Variants in LHX2 observed in about 807,000 individuals in gnomAD.
LHX2 encodes LIM homeobox 2.
In LHX2, 6 loss-of-function variants were observed where a neutral mutation model predicts 33.0. The observed-to-expected ratio is 0.18, with a 90% CI of 0.10 to 0.36. The LOEUF is 0.36. LHX2 is among the 10% of genes least tolerant of loss of function. The probability of loss-of-function intolerance (pLI) is 1.00; values close to 1 mark genes in which losing one functional copy is unlikely to be tolerated. For missense variants in LHX2, 442 were observed against 586.2 expected (o/e 0.75, Z 2.54); for synonymous variants, 292 against 253.1 (o/e 1.15, Z -1.46).
At position 124,015,468 on chromosome 9, in the gene LHX2, C is replaced by A. The variant is rs954226965; in HGVS notation, c.670C>A (p.Arg224=). The A allele has an allele frequency of 1.3e-6, 2 of 1,510,030 alleles. No individual in the cohort carries two copies. The highest frequency in any genetic ancestry group is 1.8e-6 in the Non-Finnish European group (2 of 1,130,742). The allele number at this position is 1,510,030 out of a possible 1,614,324, so 93.5% of individuals were successfully genotyped here. A position where few individuals can be genotyped will look rare whatever the true frequency, so the allele number is the denominator to read the frequency against. Residue 224 remains arginine (R), a synonymous_variant, in exon 3 of 5, where the codon CGG becomes AGG. Transcript: ENST00000373615. The surrounding 1 kb of genome is among the most constrained non-coding windows in gnomAD (Gnocchi z 7.9). ...TGGCGTGGGCACTGTGCAGAAGGGG[C>A]GGCCGAGGAAACGTAAGAGCCCGGG... ...YNGVGTVQKG[R]PRKRKSPGPG...
Position 124,032,412 on chromosome 9 carries a change from C to G in LHX2, c.934-8C>G. Reference sequence around the variant, plus strand: ...CGCTCACCAGCCCTTCCCTGTCGTCCCCCGCAGGTCTGGTTCCAGAACGCC... The same window carrying G: ...CGCTCACCAGCCCTTCCCTGTCGTCGCCCGCAGGTCTGGTTCCAGAACGCC... On this transcript the variant is annotated splice_polypyrimidine_tract_variant and splice_region_variant and intron_variant, in intron 4 of 4. Transcript: ENST00000373615. This position sits in a 1 kb window ranked among gnomAD's most constrained non-coding sequence, Gnocchi z 4.1. 1 of 1,574,248 alleles carries G rather than the reference C, an allele frequency of 6.4e-7. No individual in the cohort carries two copies. Among genetic ancestry groups the G allele is most frequent in the Non-Finnish European group, 8.6e-7 (1 of 1,159,448 alleles).
intron 4 of LHX2, among the ~76,000 whole-genome samples, chr9:124,025,854 G>A (rs988349148): frequency 2.6e-5 from 4 of 151,446 alleles, no homozygotes; most frequent in African/African-American, 4.9e-5. Flanking sequence ...GCATGGTGGC[G>A]CACACCTGTA....
chr9:124,032,543 C>G lies in LHX2; in HGVS notation c.1057C>G (p.Leu353Val). Reference sequence around the variant, plus strand: ...GACGCCATCGGGCCCGGCCTCGGAGCTCTCCAACGCCTCGCTCAGCCCCTC... The same window carrying G: ...GACGCCATCGGGCCCGGCCTCGGAGGTCTCCAACGCCTCGCTCAGCCCCTC... Reference protein sequence around the residue: ...TGTPSGPASELSNASLSPSST... With the variant: ...TGTPSGPASEVSNASLSPSST... Residue 353 changes from leucine to valine, a missense_variant, in exon 5 of 5, where the codon CTC becomes GTC. This residue lies in a region of LHX2 where 109 missense variants were observed against 98.7 expected (regional missense o/e 1.10). Transcript: ENST00000373615. This position sits in a 1 kb window ranked among gnomAD's most constrained non-coding sequence, Gnocchi z 4.1. 6.2e-7 allele frequency: 1 copy of G among 1,614,082 alleles called. No individual in the cohort carries two copies. The highest frequency in any genetic ancestry group is 8.5e-7 in the Non-Finnish European group (1 of 1,180,022).
rs994057584 is a variant in LHX2 at position 124,012,534 on chromosome 9, C to T, written c.120+66C>T. The T allele has an allele frequency of 4.3e-6, 6 of 1,409,454 alleles. No individual in the cohort carries two copies. The African/African-American group carries it at 7.4e-5, about 17-fold the overall frequency. 87.3% of individuals were successfully genotyped at this position (1,409,454 alleles called of 1,614,324 possible). A position where few individuals can be genotyped will look rare whatever the true frequency, so the allele number is the denominator to read the frequency against. On this transcript the variant is annotated intron_variant, in intron 1 of 4. Transcript: ENST00000373615. This position sits in a 1 kb window ranked among gnomAD's most constrained non-coding sequence, Gnocchi z 4.3. ...GGGGCCGGGCCAGTCAGCGCCTCTG[C>T]TCCCCGAAGTTTGGGGAGCGTCCTT...
At position 124,032,380 on chromosome 9, in the gene LHX2, T is replaced by C; in HGVS notation, c.934-40T>C. ...GAAGCAGTCGGGGGGATGCTCTGCC[T>C]GCCTTCCGCTCACCAGCCCTTCCCT... On this transcript the variant is annotated intron_variant, in intron 4 of 4. Coordinates refer to ENST00000373615, the MANE Select transcript of LHX2 (RefSeq NM_004789.4). The surrounding 1 kb of genome is among the most constrained non-coding windows in gnomAD (Gnocchi z 4.1). 1 of 1,538,576 alleles carries C rather than the reference T, an allele frequency of 6.5e-7. No individual in the cohort carries two copies. The highest frequency in any genetic ancestry group is 8.8e-7 in the Non-Finnish European group (1 of 1,142,292).
intron 3 of LHX2, among the ~76,000 whole-genome samples, chr9:124,018,394 G>A (rs983640199): frequency 2.0e-5 from 3 of 152,070 alleles, no homozygotes; most frequent in African/African-American, 7.2e-5. Context: ...CGGGAGTGAG[G>A]GGGTTCGGGG....
Position 124,015,359 on chromosome 9 carries a change from A to C in LHX2, c.561A>C (p.Ala187=). 6.2e-7 allele frequency: 1 copy of C among 1,610,284 alleles called. No homozygotes were observed. The highest frequency in any genetic ancestry group is 1.1e-5 in the South Asian group (1 of 91,014). Residue 187 remains alanine, a synonymous_variant, in exon 3 of 5, where the codon GCA becomes GCC. Coordinates refer to ENST00000373615, the MANE Select transcript of LHX2 (RefSeq NM_004789.4). This position sits in a 1 kb window ranked among gnomAD's most constrained non-coding sequence, Gnocchi z 7.9. ...YPAHFNHADV[A]AAAAAAAAAK... ...CACACTTCAACCATGCCGACGTGGC[A>C]GCGGCGGCCGCTGCAGCCGCGGCGG...
At chr9:124,018,484 T>C (rs886445686) in intron 3 of LHX2, among the ~76,000 whole-genome samples, 1 of 151,968 alleles carries the variant, frequency 6.6e-6, no homozygotes, top group Non-Finnish European at 1.5e-5. Context: ...TCGGCCTCGC[T>C]ACTTAGGGCC....
rs143803976 is a variant in LHX2, at chr9:124,032,364, G to GT, written c.934-56_934-55insT. 1.4e-6 allele frequency: 2 copies of GT among 1,462,142 alleles called. No homozygotes were observed. Among genetic ancestry groups the GT allele is most frequent in the African/African-American group, 1.8e-5 (1 of 56,286 alleles). 90.6% of individuals were successfully genotyped at this position (1,462,142 alleles called of 1,614,324 possible). ...CAGCAGAGCTCTGAGTGAAGCAGTCGGGGGGATGCTCTGCCTGCCTTCCGC... is the reference window on the plus strand; with the variant it reads ...CAGCAGAGCTCTGAGTGAAGCAGTCGTGGGGGATGCTCTGCCTGCCTTCCGC... On this transcript the variant is annotated intron_variant, in intron 4 of 4. Coordinates refer to ENST00000373615, the MANE Select transcript of LHX2 (RefSeq NM_004789.4). This position sits in a 1 kb window ranked among gnomAD's most constrained non-coding sequence, Gnocchi z 4.1.
chr9:124,023,408 T>C (rs1387284425), intron 4 of LHX2, among the ~76,000 whole-genome samples: 3 of 152,176 alleles, frequency 2.0e-5, no homozygotes, highest in Admixed American at 1.3e-4. Flanking sequence ...GCTTGCTCTA[T>C]GGAGTGGGGT....
chr9:124,025,950 A>G (rs535450342), intron 4 of LHX2, among the ~76,000 whole-genome samples: 120 of 152,166 alleles, frequency 7.9e-4, no homozygotes, highest in Middle Eastern at 6.8e-3. Flanking sequence ...GTGCCACTGC[A>G]CTCCAGCCTG....
At chr9:124,013,924 G>T in intron 1 of LHX2, 37 bp from the exon 2 acceptor site, 2 of 1,593,344 alleles carry the variant, frequency 1.3e-6, no homozygotes, top group South Asian at 1.1e-5. Flanking sequence ...GCTGGCTGAC[G>T]CAGGCGCTGC....
chr9:124,026,655 C>T (rs1274495014), intron 4 of LHX2, among the ~76,000 whole-genome samples: 8 of 152,140 alleles, frequency 5.3e-5, no homozygotes, highest in Non-Finnish European at 1.0e-4. Flanking sequence ...GAGATCAGAG[C>T]ATGTTAGCAT....
Position 124,032,364 on chromosome 9 carries a change from G to T in LHX2, c.934-56G>T, listed in dbSNP as rs1434744019. 1.6e-5 allele frequency: 24 copies of T among 1,462,078 alleles called. No individual in the cohort carries two copies. Among genetic ancestry groups the T allele is most frequent in the Non-Finnish European group, 2.1e-5 (23 of 1,108,008 alleles). 90.6% of individuals were successfully genotyped at this position (1,462,078 alleles called of 1,614,324 possible). A position where few individuals can be genotyped will look rare whatever the true frequency, so the allele number is the denominator to read the frequency against. Reference sequence around the variant, plus strand: ...CAGCAGAGCTCTGAGTGAAGCAGTCGGGGGGATGCTCTGCCTGCCTTCCGC... The same window carrying T: ...CAGCAGAGCTCTGAGTGAAGCAGTCTGGGGGATGCTCTGCCTGCCTTCCGC... On this transcript the variant is annotated intron_variant, in intron 4 of 4. Transcript: ENST00000373615. The surrounding 1 kb of genome is among the most constrained non-coding windows in gnomAD (Gnocchi z 4.1).
At chr9:124,029,780 G>T (rs1185600685) in intron 4 of LHX2, among the ~76,000 whole-genome samples, 1 of 152,228 alleles carries the variant, frequency 6.6e-6, no homozygotes, top group Non-Finnish European at 1.5e-5. Context: ...GGGGTCACAC[G>T]CACACAGGCC....
Position 124,015,617 on chromosome 9 carries a change from G to A in LHX2, c.727+92G>A, listed in dbSNP as rs1859175797. On this transcript the variant is annotated intron_variant, in intron 3 of 4. Transcript: ENST00000373615. This position sits in a 1 kb window ranked among gnomAD's most constrained non-coding sequence, Gnocchi z 7.9. ...AGCTGGATTGAATCTCTGTGTGCTG[G>A]GCAAATAGCGAGCCTTAAGCACCGG... 4.5e-6 allele frequency: 6 copies of A among 1,346,384 alleles called. No homozygotes were observed. The South Asian group carries it at 7.9e-5, about 18-fold the overall frequency. The allele number at this position is 1,346,384 out of a possible 1,614,324, so 83.4% of individuals were successfully genotyped here.
chr9:124,015,010 T>G lies in LHX2; in HGVS notation c.324-112T>G. On this transcript the variant is annotated intron_variant, in intron 2 of 4. Coordinates refer to ENST00000373615, the MANE Select transcript of LHX2 (RefSeq NM_004789.4). This position sits in a 1 kb window ranked among gnomAD's most constrained non-coding sequence, Gnocchi z 7.9. ...CCCATCCTCCAAATAAAGGCCGGGTTGTTCGTCTTGAGGAGGGGATTGCCC... is the reference window on the plus strand; with the variant it reads ...CCCATCCTCCAAATAAAGGCCGGGTGGTTCGTCTTGAGGAGGGGATTGCCC... 1 of 1,227,034 alleles carries G rather than the reference T, an allele frequency of 8.1e-7. No individual in the cohort carries two copies. Among genetic ancestry groups the G allele is most frequent in the Non-Finnish European group, 1.1e-6 (1 of 874,238 alleles). The allele number at this position is 1,227,034 out of a possible 1,614,324, so 76.0% of individuals were successfully genotyped here. A position where few individuals can be genotyped will look rare whatever the true frequency, so the allele number is the denominator to read the frequency against.
Position 124,012,572 on chromosome 9 carries a change from G to T in LHX2, c.120+104G>T. The T allele has an allele frequency of 7.7e-7, 1 of 1,297,808 alleles. No individual in the cohort carries two copies. The highest frequency in any genetic ancestry group is 1.0e-6 in the Non-Finnish European group (1 of 1,001,532). The allele number at this position is 1,297,808 out of a possible 1,614,324, so 80.4% of individuals were successfully genotyped here. ...GGGGAGCGTCCTTCGTGCCGCACGG[G>T]ACTGGGTGCTGGGGATCCTCGGTCA... On this transcript the variant is annotated intron_variant, in intron 1 of 4. Transcript: ENST00000373615. This position sits in a 1 kb window ranked among gnomAD's most constrained non-coding sequence, Gnocchi z 4.3.
At chr9:124,021,071 A>G in intron 3 of LHX2, 28 bp from the exon 4 acceptor site, 1 of 1,609,424 alleles carries the variant, frequency 6.2e-7, no homozygotes, top group Non-Finnish European at 8.5e-7. Flanking sequence ...CAGGAAGTTC[A>G]CCCACCGGCT....
Sources: allele counts gnomAD v4.1 joint callset (sites outside exome capture counted in the v4.1 genomes callset), GRCh38; gene constraint gnomAD v4.1.1; regional missense constraint gnomAD v4.1.1; non-coding constraint Gnocchi (gnomAD v3.1); transcripts MANE v1.5; gene names NCBI Gene and HGNC (gene_info 2026-07-23, HGNC 2026-07-21).